Variants in MARK1 observed in about 807,000 individuals in gnomAD.
MARK1 encodes microtubule affinity regulating kinase 1, also known as serine/threonine-protein kinase MARK1.
Under a neutral mutation model 96.3 loss-of-function variants are expected in MARK1, and 40 were observed. The ratio of observed to expected loss-of-function variants is 0.42; its 90% CI spans 0.32 to 0.54. MARK1 has a LOEUF of 0.54. MARK1 is among the 20% of genes least tolerant of loss of function. The pLI, the probability that MARK1 is intolerant of heterozygous loss-of-function variation, is 0.16. For synonymous variants in MARK1, 317 were observed against 341.2 expected, an observed-to-expected ratio of 0.93 and a Z score of 0.78; for missense variants, 719 against 984.6, an observed-to-expected ratio of 0.73 and a Z score of 3.61.
chr1:220,555,537 C>T (rs1334338984), intron 1 of MARK1, among the ~76,000 whole-genome samples: 2 of 152,010 alleles, frequency 1.3e-5, no homozygotes, highest in East Asian at 3.9e-4. Flanking sequence ...AGGTTGATTG[C>T]CTTTGCTTAT....
intron 1 of MARK1, among the ~76,000 whole-genome samples, chr1:220,531,556 C>A (rs1660316414): frequency 6.6e-6 from 1 of 152,112 alleles, no homozygotes; most frequent in South Asian, 2.1e-4. Flanking sequence ...CTACCCTTCT[C>A]AGTGTCACTA....
At chr1:220,598,400 A>T (rs771782480) in intron 4 of MARK1, 21 bp downstream of exon 4, 17 of 199,536 alleles carry the variant, frequency 8.5e-5, no homozygotes, top group Middle Eastern at 2.0e-3. Flanking sequence ...TATATATATT[A>T]TATATATATA....
chr1:220,653,102 A>G lies in MARK1; in HGVS notation c.1738A>G (p.Thr580Ala). Residue 580 changes from threonine to alanine, a missense_variant and splice_region_variant, in exon 16 of 18, where the codon ACA (threonine) becomes GCA (alanine). Physicochemically the swap from Thr to Ala is moderately conservative, Grantham distance 58 (BLOSUM62 0). This residue lies in a region of MARK1 where 501 missense variants were observed against 588.3 expected (regional missense o/e 0.85). Transcript: ENST00000366917. ...ATATATCTTAATTTGTCCCAGCAGT[A>G]CAACCCAGAGAGTGCCTGCTGCTTC... ...KDGSEAYRPG[T>A]TQRVPAASPS... 4 of 1,614,158 alleles carry G rather than the reference A, an allele frequency of 2.5e-6. No individual in the cohort carries two copies. The highest frequency in any genetic ancestry group is 3.4e-6 in the Non-Finnish European group (4 of 1,180,000).
chr1:220,600,602 T>C (rs549798863), intron 5 of MARK1, among the ~76,000 whole-genome samples: 1 of 152,318 alleles, frequency 6.6e-6, no homozygotes, highest in East Asian at 1.9e-4. Flanking sequence ...TGAAAATTTA[T>C]GGAATTAATC....
intron 1 of MARK1, among the ~76,000 whole-genome samples, chr1:220,572,621 C>T (rs945939325): frequency 2.6e-5 from 4 of 152,178 alleles, no homozygotes; most frequent in Admixed American, 2.0e-4. Flanking sequence ...TTTGTTTTCA[C>T]ATATACTTAC....
chr1:220,556,470 C>T (rs1662253131), intron 1 of MARK1, among the ~76,000 whole-genome samples: 2 of 135,956 alleles, frequency 1.5e-5, no homozygotes, highest in South Asian at 2.4e-4. Context: ...AAATCTAGGA[C>T]CCATGGGACT....
intron 3 of MARK1, among the ~76,000 whole-genome samples, chr1:220,587,475 T>C (rs1391205265): frequency 6.6e-6 from 1 of 152,068 alleles, no homozygotes; most frequent in Admixed American, 6.6e-5. Flanking sequence ...TTCAGGTGAT[T>C]CTCCTGCCTT....
intron 1 of MARK1, among the ~76,000 whole-genome samples, chr1:220,535,608 C>G (rs1397950682): frequency 2.0e-5 from 3 of 152,020 alleles, no homozygotes; most frequent in Non-Finnish European, 4.4e-5. Context: ...TCATGAAGCT[C>G]TTCTCCTATG....
chr1:220,565,070 G>A (rs1371275988), intron 1 of MARK1, among the ~76,000 whole-genome samples: 1 of 152,028 alleles, frequency 6.6e-6, no homozygotes, highest in African/African-American at 2.4e-5. Context: ...AATCCCAAAT[G>A]TGTATAATTC....
chr1:220,611,412 G>GA (rs1666434048), intron 6 of MARK1, among the ~76,000 whole-genome samples: 1 of 152,242 alleles, frequency 6.6e-6, no homozygotes, highest in Non-Finnish European at 1.5e-5. Flanking sequence ...TTGTCTGCTG[G>GA]TTGCTAAGAC....
intron 9 of MARK1, among the ~76,000 whole-genome samples, chr1:220,620,936 A>G (rs2102977832): frequency 6.6e-6 from 1 of 152,240 alleles, no homozygotes; most frequent in Admixed American, 6.5e-5. Context: ...CCATACCTTA[A>G]GAAACTCTCC....
chr1:220,615,358 C>T (rs1021855014), intron 6 of MARK1, among the ~76,000 whole-genome samples: 1 of 152,064 alleles, frequency 6.6e-6, no homozygotes, highest in Non-Finnish European at 1.5e-5. Flanking sequence ...TTTCATTTTT[C>T]CCTCTTTTCT....
At chr1:220,599,746 A>G (rs1665613089) in intron 4 of MARK1, 52 bp from the exon 5 acceptor site, 1 of 962,746 alleles carries the variant, frequency 1.0e-6, no homozygotes. Flanking sequence ...TTCTTAAAGC[A>G]TATTCAATCT....
At chr1:220,586,013 G>GCACGCGCA (rs1553323006) in intron 3 of MARK1, among the ~76,000 whole-genome samples, 2 of 53,020 alleles carry the variant, frequency 3.8e-5, no homozygotes, top group Admixed American at 1.9e-4. Context: ...ACACACACAC[G>GCACGCGCA]CGCGCGTGCG....
intron 14 of MARK1, among the ~76,000 whole-genome samples, chr1:220,651,703 T>C (rs1668887533): frequency 6.6e-6 from 1 of 152,200 alleles, no homozygotes; most frequent in Admixed American, 6.5e-5. Flanking sequence ...AACTATCGTA[T>C]ATCCACAAAA....
chr1:220,617,310 A>T (rs1382547852), intron 7 of MARK1, among the ~76,000 whole-genome samples: 1 of 152,164 alleles, frequency 6.6e-6, no homozygotes, highest in Non-Finnish European at 1.5e-5. Flanking sequence ...CTAGTATACC[A>T]TAAAAAAGAA....
At chr1:220,536,600 A>G (rs899936596) in intron 1 of MARK1, among the ~76,000 whole-genome samples, 2 of 151,668 alleles carry the variant, frequency 1.3e-5, no homozygotes, top group Non-Finnish European at 2.9e-5. Context: ...CTTTCACCCA[A>G]GCTGGAGTGC....
chr1:220,550,488 G>T (rs1023882523), intron 1 of MARK1, among the ~76,000 whole-genome samples: 1 of 152,122 alleles, frequency 6.6e-6, no homozygotes, highest in African/African-American at 2.4e-5. Flanking sequence ...AAGTAGCTGG[G>T]ACTACAGGCG....
intron 11 of MARK1, among the ~76,000 whole-genome samples, chr1:220,634,805 T>C (rs1667855848): frequency 6.6e-6 from 1 of 152,060 alleles, no homozygotes; most frequent in African/African-American, 2.4e-5. Flanking sequence ...TAAATAAATA[T>C]AATTTCCTGA....
Sources: gnomAD v4.1 joint callset for allele counts (sites outside exome capture counted in the v4.1 genomes callset) on GRCh38, gnomAD v4.1.1 for gene constraint, gnomAD v4.1.1 regional missense constraint, MANE v1.5 for transcripts, NCBI Gene and HGNC (gene_info 2026-07-23, HGNC 2026-07-21) for gene names.